The following DNAH11 variants were observed in gnomAD, a reference collection of about 807,000 sequenced individuals.
DNAH11 encodes dynein axonemal heavy chain 11, also known as axonemal beta dynein heavy chain 11.
A neutral mutation model predicts 526.0 loss-of-function variants in DNAH11; 442 were observed. That is an observed-to-expected ratio of 0.84 (90% CI 0.78 to 0.91). DNAH11 has a LOEUF of 0.91. Ranked by LOEUF, DNAH11 falls within the 40% of genes least tolerant of loss-of-function variation. The pLI is 0.00. For missense variants in DNAH11, 6,989 were observed against 5,448.7 expected (o/e 1.28, Z -8.90); for synonymous variants, 2,461 against 1,935.9 (o/e 1.27, Z -7.12).
intron 55 of DNAH11, among the ~76,000 whole-genome samples, chr7:21,768,833 A>C (rs1787297032): frequency 6.6e-6 from 1 of 152,180 alleles, no homozygotes; most frequent in Non-Finnish European, 1.5e-5. Flanking sequence ...GCCAAACACA[A>C]AGGGTATAAG....
intron 8 of DNAH11, among the ~76,000 whole-genome samples, chr7:21,579,428 C>T (rs74765407): frequency 0.019 from 2,886 of 152,100 alleles, 93 homozygotes; most frequent in African/African-American, 0.066. Context: ...TATGGGTGCC[C>T]GGTGCTGGAG....
intron 74 of DNAH11, among the ~76,000 whole-genome samples, chr7:21,874,449 C>T (rs934905283): frequency 7.2e-5 from 11 of 151,998 alleles, no homozygotes; most frequent in African/African-American, 2.4e-4. Context: ...GATTCTCCTG[C>T]CTCAGCCTCC....
At chr7:21,632,621 G>A (rs1786668093) in intron 25 of DNAH11, among the ~76,000 whole-genome samples, 1 of 152,124 alleles carries the variant, frequency 6.6e-6, no homozygotes, top group Admixed American at 6.5e-5. Context: ...AACATAACAA[G>A]AGTCACCTTT....
intron 54 of DNAH11, among the ~76,000 whole-genome samples, chr7:21,758,874 T>C (rs1486103993): frequency 6.6e-6 from 1 of 152,206 alleles, no homozygotes; most frequent in Non-Finnish European, 1.5e-5. Context: ...GTTCTTGCAA[T>C]GGTGCATGTG....
intron 28 of DNAH11, among the ~76,000 whole-genome samples, chr7:21,642,385 C>T (rs1301254245): frequency 6.6e-6 from 1 of 152,088 alleles, no homozygotes; most frequent in African/African-American, 2.4e-5. Flanking sequence ...AATGGTTCTG[C>T]AAATTCAACA....
rs530251397 is a variant in DNAH11 at position 21,754,584 on chromosome 7, A to G, written c.8940+4220A>G. Reference sequence around the variant, plus strand: ...TAATTTCCCCCCCCACCCCATCATCACAGGACTATTAATTGAATGACCTGT... The same window carrying G: ...TAATTTCCCCCCCCACCCCATCATCGCAGGACTATTAATTGAATGACCTGT... On this transcript the variant is annotated intron_variant, in intron 54 of 81. Transcript: ENST00000409508. 2.7e-5 allele frequency among the ~76,000 whole-genome samples: 4 copies of G among 150,460 alleles called. No individual in the cohort carries two copies. In the East Asian group the frequency reaches 8.0e-4, roughly 30 times the overall value.
At chr7:21,546,424 G>A (rs1252186727) in intron 2 of DNAH11, among the ~76,000 whole-genome samples, 2 of 152,184 alleles carry the variant, frequency 1.3e-5, no homozygotes, top group African/African-American at 4.8e-5. Context: ...AACTGAATCT[G>A]ATGACTTTGG....
chr7:21,842,499 T>C (rs533984524), intron 65 of DNAH11, 45 bp from the exon 66 acceptor site: 19 of 1,507,452 alleles, frequency 1.3e-5, no homozygotes, highest in South Asian at 9.6e-5. Context: ...GTATCAGTTA[T>C]GGGTCATAGG....
At chr7:21,748,857 C>G in intron 52 of DNAH11, 115 bp downstream of exon 52, 2 of 1,080,832 alleles carry the variant, frequency 1.9e-6, no homozygotes, top group Non-Finnish European at 2.5e-6. Context: ...CCTCCCCAAC[C>G]ACGGGAGAGC....
chr7:21,805,128 A>G (rs1315842066), intron 62 of DNAH11, among the ~76,000 whole-genome samples: 1 of 152,144 alleles, frequency 6.6e-6, no homozygotes, highest in Admixed American at 6.5e-5. Context: ...CTCCCTACAT[A>G]AAAGAGCCTT....
intron 18 of DNAH11, 68 bp downstream of exon 18, chr7:21,601,686 A>T (rs913568141): frequency 8.3e-7 from 1 of 1,205,938 alleles, no homozygotes; most frequent in Non-Finnish European, 1.1e-6. Flanking sequence ...AGTACTTTAC[A>T]TGTACTCTCT....
intron 67 of DNAH11, among the ~76,000 whole-genome samples, 180 bp downstream of exon 67, chr7:21,852,811 T>C (rs1276403199): frequency 1.3e-5 from 2 of 152,220 alleles, no homozygotes; most frequent in Non-Finnish European, 2.9e-5. Context: ...GATGGTTGAA[T>C]GTGTGCTTCT....
chr7:21,721,411 T>C (rs1329143442), intron 44 of DNAH11, among the ~76,000 whole-genome samples: 1 of 152,142 alleles, frequency 6.6e-6, no homozygotes, highest in Non-Finnish European at 1.5e-5. Context: ...ATTGCTCTGG[T>C]TATCATAGCG....
chr7:21,625,718 T>C (rs1237848880), intron 25 of DNAH11, among the ~76,000 whole-genome samples: 1 of 152,128 alleles, frequency 6.6e-6, no homozygotes, highest in Non-Finnish European at 1.5e-5. Flanking sequence ...TTTGTCTCAA[T>C]ATATTTTAAA....
chr7:21,681,833 G>A, intron 31 of DNAH11, 156 bp downstream of exon 31: 1 of 969,030 alleles, frequency 1.0e-6, no homozygotes, highest in Non-Finnish European at 1.6e-6. Flanking sequence ...ATTTGATTTT[G>A]GTTAGCCAAT....
chr7:21,686,993 T>C (rs1783401474), intron 32 of DNAH11, 106 bp from the exon 33 acceptor site: 1 of 1,005,518 alleles, frequency 9.9e-7, no homozygotes, highest in Non-Finnish European at 1.4e-6. Flanking sequence ...TTTATGCTAC[T>C]ATCACATTCT....
At chr7:21,759,125 A>G (rs1353430021) in intron 54 of DNAH11, among the ~76,000 whole-genome samples, 1 of 152,216 alleles carries the variant, frequency 6.6e-6, no homozygotes, top group African/African-American at 2.4e-5. Flanking sequence ...GGCAGCTGAG[A>G]CGAGGGCTCT....
intron 51 of DNAH11, among the ~76,000 whole-genome samples, chr7:21,746,304 T>C (rs1786149322): frequency 6.6e-6 from 1 of 152,022 alleles, no homozygotes; most frequent in Non-Finnish European, 1.5e-5. Context: ...AAAAAAGAAA[T>C]CATTGAAAAC....
At chr7:21,638,518 A>G (rs1166274394) in intron 27 of DNAH11, among the ~76,000 whole-genome samples, 2 of 152,126 alleles carry the variant, frequency 1.3e-5, no homozygotes, top group Non-Finnish European at 2.9e-5. Flanking sequence ...TGTTTTGTAG[A>G]CATCCAGTGG....
Sources: gnomAD v4.1 joint callset for allele counts (sites outside exome capture counted in the v4.1 genomes callset) on GRCh38, gnomAD v4.1.1 for gene constraint, MANE v1.5 for transcripts, NCBI Gene and HGNC (gene_info 2026-07-23, HGNC 2026-07-21) for gene names.